PIEZO2: variants seen among roughly 807,000 people sequenced by gnomAD.
The protein encoded by PIEZO2 is piezo type mechanosensitive ion channel component 2.
A neutral mutation model predicts 337.3 loss-of-function variants in PIEZO2; 172 were observed. The ratio of observed to expected loss-of-function variants is 0.51; its 90% CI spans 0.45 to 0.58. The LOEUF (loss-of-function observed/expected upper bound fraction) is 0.58. PIEZO2 is among the 20% of genes least tolerant of loss of function. The pLI is 0.00. For missense variants in PIEZO2, 3,028 were observed against 3,391.3 expected (o/e 0.89, Z 2.66); for synonymous variants, 1,251 against 1,228.5 (o/e 1.02, Z -0.38).
At chr18:11,043,417 C>T (rs1050835561) in intron 2 of PIEZO2, among the ~76,000 whole-genome samples, 12 of 152,118 alleles carry the variant, frequency 7.9e-5, no homozygotes, top group Non-Finnish European at 1.8e-4. Flanking sequence ...CTAAAAATTA[C>T]TTGTTGTATG....
At chr18:11,084,176 CAAAAAAAAA>C (rs1161713844) in intron 1 of PIEZO2, among the ~76,000 whole-genome samples, 3 of 64,796 alleles carry the variant, frequency 4.6e-5, no homozygotes, top group African/African-American at 9.6e-5. Context: ...AACTCTGTCT[CAAAAAAAAA>C]AAAAAAAAAA....
rs1003350778 is a variant in PIEZO2, at chr18:11,144,016, C to A, written c.64+4509G>T. 2.0e-5 allele frequency among the ~76,000 whole-genome samples: 3 copies of A among 152,310 alleles called. No individual in the cohort carries two copies. The East Asian group carries it at 5.8e-4, about 29-fold the overall frequency. ...AAACAAAAGGAACTCCACAATCATA[C>A]AGTGAAGGGCAGAGCCATGAGGTCA... is the stretch of plus-strand genomic sequence containing the variant. On this transcript the variant is annotated intron_variant, in intron 1 of 55. Transcript: ENST00000674853.
chr18:10,703,774 G>A (rs1294816499), intron 42 of PIEZO2, among the ~76,000 whole-genome samples: 1 of 152,138 alleles, frequency 6.6e-6, no homozygotes, highest in Non-Finnish European at 1.5e-5. Context: ...ATAAGAGTGA[G>A]CAGAAGGCTC....
Position 10,903,215 on chromosome 18 carries a change from C to T in PIEZO2, c.329+7971G>A, listed in dbSNP as rs1031042120. Reference sequence around the variant, plus strand: ...ACACTCACACTGTCCCTATCTTGGTCGAGACATTATAATCACTCTCCTGAA... The same window carrying T: ...ACACTCACACTGTCCCTATCTTGGTTGAGACATTATAATCACTCTCCTGAA... On this transcript the variant is annotated intron_variant, in intron 4 of 55. Coordinates refer to ENST00000674853, the MANE Select transcript of PIEZO2 (RefSeq NM_001378183.1). This position sits in a 1 kb window ranked among gnomAD's most constrained non-coding sequence, Gnocchi z 4.1. Among the ~76,000 whole-genome samples the T allele has an allele frequency of 1.3e-5, 2 of 152,166 alleles. No homozygotes were observed. The highest frequency in any genetic ancestry group is 2.4e-5 in the African/African-American group (1 of 41,430).
intron 1 of PIEZO2, among the ~76,000 whole-genome samples, chr18:11,084,721 T>C (rs1040557788): frequency 6.6e-6 from 1 of 152,164 alleles, no homozygotes; most frequent in African/African-American, 2.4e-5. Flanking sequence ...CCAGACATCA[T>C]CCCACCAGCA....
intron 2 of PIEZO2, among the ~76,000 whole-genome samples, chr18:10,987,447 T>C (rs2034918196): frequency 6.6e-6 from 1 of 152,086 alleles, no homozygotes; most frequent in Admixed American, 6.6e-5. Context: ...CTCTTAAGAA[T>C]ACTCAGTGGG....
intron 54 of PIEZO2, among the ~76,000 whole-genome samples, chr18:10,674,955 C>T (rs989118643): frequency 1.3e-5 from 2 of 152,154 alleles, no homozygotes; most frequent in Admixed American, 1.3e-4. Context: ...TGAATCAGTA[C>T]TATAAGAAAT....
rs1381331996 is a variant in PIEZO2, at chr18:11,003,076, GATGTCCAGTGAC to G, written c.161-23428_161-23417del. Among the ~76,000 whole-genome samples, 1 of 150,896 alleles carries G rather than the reference GATGTCCAGTGAC, an allele frequency of 6.6e-6. No homozygotes were observed. The highest frequency in any genetic ancestry group is 1.5e-5 in the Non-Finnish European group (1 of 68,036). Reference sequence around the variant, plus strand: ...AGCACAAGGAGATTCTAACCTGGGAGATGTCCAGTGACATGTCTTTGCCGTGCCCTCCCAGGT... The same window carrying G: ...AGCACAAGGAGATTCTAACCTGGGAGATGTCTTTGCCGTGCCCTCCCAGGT... On this transcript the variant is annotated intron_variant, in intron 2 of 55. Coordinates refer to ENST00000674853, the MANE Select transcript of PIEZO2 (RefSeq NM_001378183.1). This position sits in a 1 kb window ranked among gnomAD's most constrained non-coding sequence, Gnocchi z 4.6.
At chr18:10,897,183 G>T (rs897887042) in intron 4 of PIEZO2, among the ~76,000 whole-genome samples, 2 of 148,202 alleles carry the variant, frequency 1.3e-5, no homozygotes, top group African/African-American at 4.9e-5. Flanking sequence ...AGTCTCAGGA[G>T]ATCTGATTTT....
In PIEZO2 at chr18:11,033,152, T is replaced by C. The variant is rs977395059; in HGVS notation, c.160+32975A>G. 2.0e-5 allele frequency among the ~76,000 whole-genome samples: 3 copies of C among 152,220 alleles called. No individual in the cohort carries two copies. Among genetic ancestry groups the C allele is most frequent in the Admixed American group, 2.0e-4 (3 of 15,284 alleles). On this transcript the variant is annotated intron_variant, in intron 2 of 55. Transcript: ENST00000674853. This position sits in a 1 kb window ranked among gnomAD's most constrained non-coding sequence, Gnocchi z 4.2. ...CCGTGAGCCCAACACATTACGTCAT[T>C]GAGTCCTCTCTACAACACACATGTG...
intron 3 of PIEZO2, among the ~76,000 whole-genome samples, chr18:10,938,281 T>C (rs1157031725): frequency 6.6e-6 from 1 of 152,184 alleles, no homozygotes; most frequent in East Asian, 1.9e-4. Context: ...TTGCAAAACT[T>C]GAAATAATTG....
chr18:10,866,755 T>C (rs72973137), intron 5 of PIEZO2, among the ~76,000 whole-genome samples: 14,401 of 152,184 alleles, frequency 0.095, 890 homozygotes, highest in Admixed American at 0.17. Flanking sequence ...CAAAGTTAAC[T>C]AGTCTGTGAT....
chr18:10,805,035 T>C (rs1457698220), intron 8 of PIEZO2, among the ~76,000 whole-genome samples: 2 of 152,190 alleles, frequency 1.3e-5, no homozygotes, highest in South Asian at 2.1e-4. Context: ...CTGCTACCTT[T>C]GCTTGCCAGA....
intron 7 of PIEZO2, among the ~76,000 whole-genome samples, chr18:10,808,095 T>G (rs1568082737): frequency 6.6e-6 from 1 of 152,170 alleles, no homozygotes; most frequent in East Asian, 1.9e-4. Flanking sequence ...CTTTTATTTA[T>G]TTTTTGTTTT....
intron 20 of PIEZO2, among the ~76,000 whole-genome samples, chr18:10,771,422 T>C (rs1421942305): frequency 6.6e-6 from 1 of 152,270 alleles, no homozygotes; most frequent in East Asian, 1.9e-4. Context: ...AGGACTATGC[T>C]GGCTCACTTT....
At chr18:10,755,447 T>A (rs1372967879) in intron 27 of PIEZO2, among the ~76,000 whole-genome samples, 1 of 152,152 alleles carries the variant, frequency 6.6e-6, no homozygotes, top group Non-Finnish European at 1.5e-5. Context: ...CTCAGACAGC[T>A]GACTATAGTG....
rs2041375592 is a variant in PIEZO2 at position 10,846,687 on chromosome 18, T to A, written c.917+8666A>T. Among the ~76,000 whole-genome samples, 1 of 152,096 alleles carries A rather than the reference T, an allele frequency of 6.6e-6. No homozygotes were observed. Among genetic ancestry groups the A allele is most frequent in the South Asian group, 2.1e-4 (1 of 4,828 alleles). On this transcript the variant is annotated intron_variant, in intron 7 of 55. Coordinates refer to ENST00000674853, the MANE Select transcript of PIEZO2 (RefSeq NM_001378183.1). This position sits in a 1 kb window ranked among gnomAD's most constrained non-coding sequence, Gnocchi z 4.1. ...TGTTATAAAGCAAGTTTGCACAGAA[T>A]AATTGCCTACAAGATAATTTTCCTT...
chr18:10,802,988 AG>A (rs35549059), intron 9 of PIEZO2, among the ~76,000 whole-genome samples: 2,202 of 151,326 alleles, frequency 0.015, 33 homozygotes, highest in South Asian at 0.084. Flanking sequence ...AAAAAAAAAA[AG>A]GTATTTTAAT....
At chr18:10,822,813 C>G (rs1222677896) in intron 7 of PIEZO2, among the ~76,000 whole-genome samples, 2 of 152,134 alleles carry the variant, frequency 1.3e-5, no homozygotes, top group East Asian at 3.8e-4. Flanking sequence ...AACCAAAAGA[C>G]AGCCAACAAA....
Sources: gnomAD v4.1 joint callset for allele counts (sites outside exome capture counted in the v4.1 genomes callset) on GRCh38, gnomAD v4.1.1 for gene constraint, Gnocchi (gnomAD v3.1) non-coding constraint, MANE v1.5 for transcripts, NCBI Gene and HGNC (gene_info 2026-07-23, HGNC 2026-07-21) for gene names.